Variants in ATRNL1 observed in about 807,000 individuals in gnomAD.
ATRNL1 encodes attractin-like protein 1.
In ATRNL1, 95 loss-of-function variants were observed where a neutral mutation model predicts 182.7. The observed-to-expected ratio is 0.52, with a 90% CI of 0.44 to 0.62. The LOEUF (loss-of-function observed/expected upper bound fraction) is 0.62. Among genes scored for constraint, ATRNL1 ranks in the 20% least tolerant of loss-of-function variants. The pLI is 0.00. For synonymous variants in ATRNL1, 576 were observed against 568.3 expected (o/e 1.01, Z -0.19); for missense variants, 1,471 against 1,679.5 (o/e 0.88, Z 2.17).
intron 21 of ATRNL1, among the ~76,000 whole-genome samples, chr10:115,455,384 G>A (rs1017963595): frequency 3.9e-5 from 6 of 152,126 alleles, no homozygotes; most frequent in African/African-American, 1.4e-4. Context: ...AAGCAATGAG[G>A]AAAGGATTCC....
chr10:115,925,866 T>C (rs1953215117), intron 28 of ATRNL1, among the ~76,000 whole-genome samples: 1 of 152,156 alleles, frequency 6.6e-6, no homozygotes, highest in Non-Finnish European at 1.5e-5. Context: ...GACAGAAAAT[T>C]AGCAAGGATA....
intron 7 of ATRNL1, among the ~76,000 whole-genome samples, chr10:115,169,138 T>C (rs1847181004): frequency 6.6e-6 from 1 of 151,410 alleles, no homozygotes; most frequent in African/African-American, 2.4e-5. Flanking sequence ...GCCATAGATG[T>C]GTGGGTTTAT....
chr10:115,894,734 T>C (rs1355837251), intron 28 of ATRNL1, among the ~76,000 whole-genome samples: 2 of 152,222 alleles, frequency 1.3e-5, no homozygotes, highest in Non-Finnish European at 2.9e-5. Context: ...ATATCAGTTC[T>C]TTAAAAATCC....
At chr10:115,096,550 C>A in intron 1 of ATRNL1, 1 of 688,066 alleles carries the variant, frequency 1.5e-6, no homozygotes, top group Non-Finnish European at 2.2e-6. Flanking sequence ...AGCAACCTTA[C>A]AAACAGACAT....
chr10:115,699,112 G>A (rs1169320741), intron 26 of ATRNL1, among the ~76,000 whole-genome samples: 4 of 152,000 alleles, frequency 2.6e-5, no homozygotes, highest in African/African-American at 9.7e-5. Flanking sequence ...TGTTGAGAGG[G>A]ATTAATGATG....
chr10:115,680,668 A>G (rs1411085997), intron 26 of ATRNL1, among the ~76,000 whole-genome samples: 2 of 152,206 alleles, frequency 1.3e-5, no homozygotes, highest in African/African-American at 4.8e-5. Context: ...CCAGATAAAC[A>G]AAACTAATTC....
At chr10:115,767,717 A>G (rs921103662) in intron 27 of ATRNL1, among the ~76,000 whole-genome samples, 1 of 152,022 alleles carries the variant, frequency 6.6e-6, no homozygotes, top group African/African-American at 2.4e-5. Context: ...CTATTACTCT[A>G]TGTTCTCTTT....
chr10:115,514,393 G>A (rs1850536418), intron 24 of ATRNL1, among the ~76,000 whole-genome samples: 1 of 151,912 alleles, frequency 6.6e-6, no homozygotes, highest in South Asian at 2.1e-4. Flanking sequence ...GAATGTTTTG[G>A]TTCTTTACTT....
At chr10:115,932,030 T>C (rs1555121742) in intron 28 of ATRNL1, among the ~76,000 whole-genome samples, 1 of 152,164 alleles carries the variant, frequency 6.6e-6, no homozygotes, top group African/African-American at 2.4e-5. Flanking sequence ...GTTTGAAAGG[T>C]CCCCACTAGT....
At chr10:115,379,123 C>T (rs941268918) in intron 19 of ATRNL1, among the ~76,000 whole-genome samples, 1 of 151,956 alleles carries the variant, frequency 6.6e-6, no homozygotes, top group Admixed American at 6.6e-5. Context: ...GATACTGCAA[C>T]TTTATATTCT....
intron 21 of ATRNL1, among the ~76,000 whole-genome samples, chr10:115,448,358 G>A (rs1327785334): frequency 6.6e-6 from 1 of 152,120 alleles, no homozygotes; most frequent in Non-Finnish European, 1.5e-5. Flanking sequence ...CTTGGACCAT[G>A]TGAAAATAGC....
At chr10:115,486,790 G>A (rs1216616916) in intron 24 of ATRNL1, among the ~76,000 whole-genome samples, 1 of 152,050 alleles carries the variant, frequency 6.6e-6, no homozygotes, top group Admixed American at 6.6e-5. Flanking sequence ...TGCTTTTTAT[G>A]TTTTAGTCAT....
At chr10:115,620,703 A>C (rs1857683961) in intron 26 of ATRNL1, among the ~76,000 whole-genome samples, 1 of 152,232 alleles carries the variant, frequency 6.6e-6, no homozygotes, top group Admixed American at 6.5e-5. Flanking sequence ...CTCATTTATT[A>C]AAACCAATCT....
At chr10:115,183,256 ACT>A (rs1282714126) in intron 8 of ATRNL1, among the ~76,000 whole-genome samples, 1 of 151,412 alleles carries the variant, frequency 6.6e-6, no homozygotes, top group Non-Finnish European at 1.5e-5. Context: ...ACATTAAACA[ACT>A]CTATTAATAT....
chr10:115,686,104 G>T (rs1294098299), intron 26 of ATRNL1, among the ~76,000 whole-genome samples: 1 of 151,594 alleles, frequency 6.6e-6, no homozygotes, highest in Non-Finnish European at 1.5e-5. Context: ...TCCAATAATT[G>T]AATAATATTT....
At chr10:115,448,985 G>A (rs986286485) in intron 21 of ATRNL1, among the ~76,000 whole-genome samples, 4 of 152,154 alleles carry the variant, frequency 2.6e-5, no homozygotes, top group African/African-American at 9.7e-5. Flanking sequence ...AAAAAGTTGA[G>A]GAGAAGGGAC....
At chr10:115,731,813 G>GC (rs1173277210) in intron 27 of ATRNL1, among the ~76,000 whole-genome samples, 3 of 96,582 alleles carry the variant, frequency 3.1e-5, no homozygotes, top group Non-Finnish European at 6.3e-5. Context: ...TTCAGCCCCT[G>GC]CCCCCCCACC....
intron 28 of ATRNL1, among the ~76,000 whole-genome samples, chr10:115,852,960 G>GA (rs782613227): frequency 3.0e-4 from 46 of 152,304 alleles, no homozygotes; most frequent in Admixed American, 5.9e-4. Context: ...TCTGGACTTG[G>GA]AATCACAAGC....
At chr10:115,707,175 A>G (rs1946926048) in intron 26 of ATRNL1, among the ~76,000 whole-genome samples, 1 of 151,828 alleles carries the variant, frequency 6.6e-6, no homozygotes, top group Non-Finnish European at 1.5e-5. Flanking sequence ...AAATAGCAAA[A>G]ATTATTATTG....
Sources: allele counts gnomAD v4.1 joint callset (sites outside exome capture counted in the v4.1 genomes callset), GRCh38; gene constraint gnomAD v4.1.1; transcripts MANE v1.5; gene names NCBI Gene and HGNC (gene_info 2026-07-23, HGNC 2026-07-21).